Variants in HS3ST2 observed in about 807,000 individuals in gnomAD.
The protein encoded by HS3ST2 is heparan sulfate-glucosamine 3-sulfotransferase 2, also known as heparan sulfate glucosamine 3-O-sulfotransferase 2.
A neutral mutation model predicts 26.3 loss-of-function variants in HS3ST2; 17 were observed. The ratio of observed to expected loss-of-function variants is 0.65; its 90% CI spans 0.44 to 0.97. The LOEUF is 0.97. HS3ST2 is among the 50% of genes least tolerant of loss of function. The pLI is 0.00. For missense variants in HS3ST2, 402 were observed against 501.2 expected (o/e 0.80, Z 1.89); for synonymous variants, 237 against 219.2 (o/e 1.08, Z -0.72).
intron 1 of HS3ST2, among the ~76,000 whole-genome samples, chr16:22,901,066 T>C (rs1464456777): frequency 6.6e-6 from 1 of 152,124 alleles, no homozygotes; most frequent in Non-Finnish European, 1.5e-5. Context: ...ATGGTCACGG[T>C]GCATTACACT....
At chr16:22,878,400 C>T (rs1230670588) in intron 1 of HS3ST2, among the ~76,000 whole-genome samples, 3 of 152,162 alleles carry the variant, frequency 2.0e-5, no homozygotes, top group Non-Finnish European at 2.9e-5. Flanking sequence ...TGAGACCTGC[C>T]CTGTCTTTGT....
At chr16:22,822,416 C>T (rs182686717) in intron 1 of HS3ST2, among the ~76,000 whole-genome samples, 1 of 152,266 alleles carries the variant, frequency 6.6e-6, no homozygotes, top group East Asian at 1.9e-4. Context: ...AATCCTTCTG[C>T]CTCCACCTCC....
intron 1 of HS3ST2, among the ~76,000 whole-genome samples, chr16:22,875,740 T>A (rs1318533340): frequency 6.6e-6 from 1 of 152,172 alleles, no homozygotes; most frequent in African/African-American, 2.4e-5. Flanking sequence ...GGCCCTCACA[T>A]TTATTCACCA....
chr16:22,899,496 T>A (rs1005021226), intron 1 of HS3ST2, among the ~76,000 whole-genome samples: 1 of 152,138 alleles, frequency 6.6e-6, no homozygotes, highest in Non-Finnish European at 1.5e-5. Flanking sequence ...TCTGAAATAG[T>A]CATGCAGAGC....
Position 22,814,536 on chromosome 16 carries a change from G to T in HS3ST2, c.-75G>T, listed in dbSNP as rs1178548984. Reference sequence around the variant, plus strand: ...GCAGCGCCACGCGAGCCCTCTAGGCGACCGCAGGGCCACAGCAGCTCAGCC... The same window carrying T: ...GCAGCGCCACGCGAGCCCTCTAGGCTACCGCAGGGCCACAGCAGCTCAGCC... On this transcript the variant is annotated 5_prime_UTR_variant, in exon 1 of 2. Coordinates refer to ENST00000261374, the MANE Select transcript of HS3ST2 (RefSeq NM_006043.2). The T allele has an allele frequency of 2.8e-6, 4 of 1,409,760 alleles. No homozygotes were observed. In the African/African-American group the frequency reaches 4.6e-5, roughly 16 times the overall value. 87.3% of individuals were successfully genotyped at this position (1,409,760 alleles called of 1,614,324 possible).
chr16:22,835,963 T>G (rs2141180058), intron 1 of HS3ST2, among the ~76,000 whole-genome samples: 1 of 149,464 alleles, frequency 6.7e-6, no homozygotes, highest in East Asian at 2.0e-4. Flanking sequence ...AATTAATGAA[T>G]AGAGGGAAAT....
chr16:22,890,834 C>T (rs931580991), intron 1 of HS3ST2, among the ~76,000 whole-genome samples: 1 of 152,184 alleles, frequency 6.6e-6, no homozygotes, highest in East Asian at 1.9e-4. Context: ...GTCAAACTGA[C>T]CTATTGCATG....
chr16:22,829,480 T>A (rs566627124), intron 1 of HS3ST2, among the ~76,000 whole-genome samples: 1 of 145,998 alleles, frequency 6.8e-6, no homozygotes, highest in African/African-American at 2.8e-5. Flanking sequence ...TAGTTATAGC[T>A]TTTTTTTAAA....
intron 1 of HS3ST2, among the ~76,000 whole-genome samples, chr16:22,881,733 C>T (rs1162355030): frequency 2.0e-5 from 3 of 152,152 alleles, no homozygotes; most frequent in Non-Finnish European, 4.4e-5. Flanking sequence ...GACAAAGGCT[C>T]GTAGGTTACT....
intron 1 of HS3ST2, among the ~76,000 whole-genome samples, chr16:22,821,577 T>G (rs1900993148): frequency 1.3e-5 from 2 of 151,958 alleles, no homozygotes; most frequent in African/African-American, 4.8e-5. Flanking sequence ...TCAGAACTGA[T>G]AAGTCACACA....
In HS3ST2 at chr16:22,864,195, TC is replaced by T. The variant is rs560277197; in HGVS notation, c.485+49101del. ...GCACCCATATGCTCAGCATATAATT[TC>T]TTTTACTTCTGGAGGAGGTGTTATG... On this transcript the variant is annotated intron_variant, in intron 1 of 1. Transcript: ENST00000261374. Among the ~76,000 whole-genome samples the T allele has an allele frequency of 3.6e-4, 55 of 152,300 alleles. 1 individual carries two copies. Among genetic ancestry groups the T allele is most frequent in the African/African-American group, 1.1e-3 (46 of 41,570 alleles).
intron 1 of HS3ST2, among the ~76,000 whole-genome samples, chr16:22,827,611 A>G (rs553103351): frequency 7.2e-5 from 11 of 151,918 alleles, no homozygotes; most frequent in African/African-American, 2.7e-4. Context: ...GAAAGACGGC[A>G]TTGGTGATGA....
intron 1 of HS3ST2, among the ~76,000 whole-genome samples, chr16:22,854,221 G>A (rs549191926): frequency 6.6e-6 from 1 of 152,140 alleles, no homozygotes; most frequent in Non-Finnish European, 1.5e-5. Context: ...GATGTCTACT[G>A]TTAACAGAGG....
rs1029278741 is a variant in HS3ST2, at chr16:22,814,956, C to G, written c.346C>G (p.Gln116Glu). 3 of 1,612,070 alleles carry G rather than the reference C, an allele frequency of 1.9e-6. No homozygotes were observed. Among genetic ancestry groups the G allele is most frequent in the Non-Finnish European group, 2.5e-6 (3 of 1,179,656 alleles). The change falls in exon 1 of 2, where the codon CAA becomes GAA. Residue 116 changes from glutamine to glutamate, a missense_variant. By Grantham distance (29) the Gln-to-Glu change is conservative. This residue lies in a region of HS3ST2 where 237 missense variants were observed against 346.6 expected (regional missense o/e 0.68). Coordinates refer to ENST00000261374, the MANE Select transcript of HS3ST2 (RefSeq NM_006043.2). The stretch of plus-strand genomic sequence containing the variant: ...CAAGCTGGGTACCAAGCGGTTGCCC[C>G]AAGCCCTCATTGTGGGCGTGAAGAA... Reference protein sequence around the residue: ...SPKLGTKRLPQALIVGVKKGG... With the variant: ...SPKLGTKRLPEALIVGVKKGG...
intron 1 of HS3ST2, among the ~76,000 whole-genome samples, chr16:22,839,938 A>T (rs1372525802): frequency 6.6e-6 from 1 of 152,234 alleles, no homozygotes; most frequent in Non-Finnish European, 1.5e-5. Flanking sequence ...ATGTAAAAAT[A>T]AATGGTCACA....
chr16:22,820,840 G>A (rs4783491), intron 1 of HS3ST2, among the ~76,000 whole-genome samples: 27,058 of 152,232 alleles, frequency 0.18, 3,677 homozygotes, highest in African/African-American at 0.38. Context: ...GGATGTTAAC[G>A]TGTGAAAATA....
chr16:22,845,558 G>A (rs1355245587), intron 1 of HS3ST2, among the ~76,000 whole-genome samples: 1 of 150,412 alleles, frequency 6.6e-6, no homozygotes, highest in African/African-American at 2.4e-5. Context: ...TCACTATGTT[G>A]GCCAGGCTGG....
At chr16:22,852,643 TC>T (rs1901533813) in intron 1 of HS3ST2, among the ~76,000 whole-genome samples, 1 of 152,112 alleles carries the variant, frequency 6.6e-6, no homozygotes, top group Non-Finnish European at 1.5e-5. Flanking sequence ...GCCTGCCCCT[TC>T]CCCTCTCTGT....
At chr16:22,900,239 C>T (rs562990029) in intron 1 of HS3ST2, among the ~76,000 whole-genome samples, 101 of 152,282 alleles carry the variant, frequency 6.6e-4, no homozygotes, top group Admixed American at 3.6e-3. Context: ...CATGCTGTTT[C>T]GTGGCATGCA....
Sources: allele counts gnomAD v4.1 joint callset (sites outside exome capture counted in the v4.1 genomes callset), GRCh38; gene constraint gnomAD v4.1.1; regional missense constraint gnomAD v4.1.1; transcripts MANE v1.5; gene names NCBI Gene and HGNC (gene_info 2026-07-23, HGNC 2026-07-21).